GABRB2: variants seen among roughly 807,000 people sequenced by gnomAD.
The protein encoded by GABRB2 is gamma-aminobutyric acid type A receptor subunit beta2.
Under a neutral mutation model 54.7 loss-of-function variants are expected in GABRB2, and 16 were observed. The ratio of observed to expected loss-of-function variants is 0.29; its 90% CI spans 0.20 to 0.44. GABRB2 has a LOEUF of 0.44. GABRB2 is among the 20% of genes least tolerant of loss of function. The pLI, the probability that GABRB2 is intolerant of heterozygous loss-of-function variation, is 1.00. For missense variants in GABRB2, 355 were observed against 644.0 expected, an observed-to-expected ratio of 0.55 and a Z score of 4.86; for synonymous variants, 244 against 233.8, an observed-to-expected ratio of 1.04 and a Z score of -0.40.
chr5:161,495,490 T>C (rs1759209292), intron 3 of GABRB2, among the ~76,000 whole-genome samples: 1 of 152,040 alleles, frequency 6.6e-6, no homozygotes. Flanking sequence ...TTTTAATGAT[T>C]TTTTTCTAAT....
chr5:161,365,011 G>A (rs1457815564), intron 5 of GABRB2, among the ~76,000 whole-genome samples: 2 of 152,060 alleles, frequency 1.3e-5, no homozygotes, highest in Non-Finnish European at 2.9e-5. Flanking sequence ...ACAAATGTAT[G>A]CTTTTTCAAA....
In GABRB2 at chr5:161,336,776, A is replaced by C; in HGVS notation, c.542-7T>G. On this transcript the variant is annotated splice_polypyrimidine_tract_variant and splice_region_variant and intron_variant, in intron 5 of 9. Coordinates refer to ENST00000393959, the MANE Select transcript of GABRB2 (RefSeq NM_001371727.1). ...TCATCAGTTGTGTATCCATCTGTGAAAGGAAACATACACACACACACACAC... is the reference window on the plus strand; with the variant it reads ...TCATCAGTTGTGTATCCATCTGTGACAGGAAACATACACACACACACACAC... 6.2e-7 allele frequency: 1 copy of C among 1,611,132 alleles called. No homozygotes were observed. The highest frequency in any genetic ancestry group is 8.5e-7 in the Non-Finnish European group (1 of 1,179,096).
rs183926398 is a variant in GABRB2, at chr5:161,332,014, A to G, written c.833-887T>C. ...CCCTGTCTCTACTAAAAATACAAAA[A>G]AATTAGCCGGGCGTGATGGCGGGCG... On this transcript the variant is annotated intron_variant, in intron 7 of 9. Coordinates refer to ENST00000393959, the MANE Select transcript of GABRB2 (RefSeq NM_001371727.1). Among the ~76,000 whole-genome samples the G allele has an allele frequency of 4.6e-3, 700 of 151,856 alleles. 4 individuals are homozygous for G. Among genetic ancestry groups the G allele is most frequent in the African/African-American group, 0.016 (674 of 41,416 alleles).
At chr5:161,426,450 G>T (rs1757000875) in intron 4 of GABRB2, among the ~76,000 whole-genome samples, 1 of 151,876 alleles carries the variant, frequency 6.6e-6, no homozygotes, top group South Asian at 2.1e-4. Context: ...TTTTATAATT[G>T]AAGACAGATT....
intron 9 of GABRB2, among the ~76,000 whole-genome samples, chr5:161,314,930 A>T (rs952251782): frequency 1.2e-4 from 18 of 152,318 alleles, no homozygotes; most frequent in Admixed American, 1.0e-3. Flanking sequence ...GGGGGCTTTA[A>T]AAAGGTAATC....
intron 5 of GABRB2, 28 bp downstream of exon 5, chr5:161,410,947 G>C: frequency 6.3e-7 from 1 of 1,575,540 alleles, no homozygotes; most frequent in Non-Finnish European, 8.7e-7. Flanking sequence ...GCAGAGTCCA[G>C]TCTAGCTGGA....
rs1355525895 is a variant in GABRB2, at chr5:161,291,726, G to A, written c.*2355C>T. ...TAAAATTTTGTTGTAATCATAAATG[G>A]CAATATCAAAGATTTTTATGGCTTG... is the stretch of plus-strand genomic sequence containing the variant. On this transcript the variant is annotated 3_prime_UTR_variant, in exon 10 of 10. Coordinates refer to ENST00000393959, the MANE Select transcript of GABRB2 (RefSeq NM_001371727.1). 1.3e-5 allele frequency: 2 copies of A among 152,478 alleles called. No individual in the cohort carries two copies. Among genetic ancestry groups the A allele is most frequent in the Admixed American group, 6.6e-5 (1 of 15,246 alleles). 9.4% of individuals were successfully genotyped at this position (152,478 alleles called of 1,614,324 possible).
intron 4 of GABRB2, among the ~76,000 whole-genome samples, chr5:161,458,417 G>T (rs1162324202): frequency 6.6e-6 from 1 of 152,074 alleles, no homozygotes; most frequent in Non-Finnish European, 1.5e-5. Context: ...CTCTCATTCT[G>T]CCTCTCTTAT....
At chr5:161,307,831 T>C (rs538594165) in intron 9 of GABRB2, among the ~76,000 whole-genome samples, 21 of 151,710 alleles carry the variant, frequency 1.4e-4, no homozygotes, top group Non-Finnish European at 2.2e-4. Context: ...ATATATAAAT[T>C]CATTGATTTA....
intron 3 of GABRB2, among the ~76,000 whole-genome samples, chr5:161,469,892 ATCTCTATTT>A (rs1416661689): frequency 6.6e-6 from 1 of 151,606 alleles, no homozygotes; most frequent in South Asian, 2.1e-4. Context: ...ACCTTTCTTC[ATCTCTATTT>A]TCTCATCCAA....
intron 5 of GABRB2, among the ~76,000 whole-genome samples, chr5:161,352,750 G>C (rs1316188100): frequency 6.6e-6 from 1 of 151,990 alleles, no homozygotes; most frequent in Non-Finnish European, 1.5e-5. Context: ...ATGTTAATTA[G>C]ATTGAGCTTG....
At chr5:161,316,152 G>C (rs1404259175) in intron 9 of GABRB2, among the ~76,000 whole-genome samples, 1 of 152,120 alleles carries the variant, frequency 6.6e-6, no homozygotes, top group East Asian at 1.9e-4. Flanking sequence ...GAGGTTACTG[G>C]ATGAGATCTT....
intron 8 of GABRB2, among the ~76,000 whole-genome samples, chr5:161,327,973 A>G (rs894913998): frequency 6.6e-5 from 10 of 152,272 alleles, no homozygotes; most frequent in South Asian, 4.1e-4. Context: ...AGCAATGTGG[A>G]CCTCCTCTAA....
At position 161,468,796 on chromosome 5, in the gene GABRB2, T is replaced by C. The variant is rs1435614461; in HGVS notation, c.238-8952A>G. ...GAAAGCATGAATGAAAGACACCACA[T>C]AGACCTTAAGACCCCCAAAAAACTT... On this transcript the variant is annotated intron_variant, in intron 3 of 9. Transcript: ENST00000393959. 2.6e-5 allele frequency among the ~76,000 whole-genome samples: 4 copies of C among 151,944 alleles called. No homozygotes were observed. In the East Asian group the frequency reaches 7.8e-4, roughly 29 times the overall value.
intron 4 of GABRB2, among the ~76,000 whole-genome samples, chr5:161,419,268 C>T (rs1756778121): frequency 6.6e-6 from 1 of 152,210 alleles, no homozygotes; most frequent in Non-Finnish European, 1.5e-5. Context: ...GATACCATCT[C>T]ATCCCAGTCG....
At chr5:161,337,826 C>T (rs1466359492) in intron 5 of GABRB2, among the ~76,000 whole-genome samples, 1 of 152,124 alleles carries the variant, frequency 6.6e-6, no homozygotes. Context: ...ATGTCACATT[C>T]CATGTGAAGA....
intron 5 of GABRB2, among the ~76,000 whole-genome samples, chr5:161,359,440 G>GAC (rs57251440): frequency 0.68 from 99,686 of 147,660 alleles, 33,681 homozygotes; most frequent in East Asian, 0.86. Flanking sequence ...AATTGCATCT[G>GAC]ACACACACAC....
intron 4 of GABRB2, among the ~76,000 whole-genome samples, chr5:161,428,347 G>C (rs1757074262): frequency 6.6e-6 from 1 of 150,706 alleles, no homozygotes; most frequent in Non-Finnish European, 1.5e-5. Flanking sequence ...AAATCCACTT[G>C]ACAAAAATTA....
chr5:161,396,000 T>C (rs1755987584), intron 5 of GABRB2, among the ~76,000 whole-genome samples: 3 of 152,184 alleles, frequency 2.0e-5, no homozygotes, highest in Admixed American at 2.0e-4. Context: ...TTTCTGATCT[T>C]CTCTTCCTGC....
Sources: gnomAD v4.1 joint callset for allele counts (sites outside exome capture counted in the v4.1 genomes callset) on GRCh38, gnomAD v4.1.1 for gene constraint, MANE v1.5 for transcripts, NCBI Gene and HGNC (gene_info 2026-07-23, HGNC 2026-07-21) for gene names.